Variants in BCAR3 observed in about 807,000 individuals in gnomAD.
BCAR3 encodes the protein breast cancer anti-estrogen resistance protein 3.
BCAR3 carries 37 observed loss-of-function variants against 80.1 expected under a neutral mutation model. The ratio of observed to expected loss-of-function variants is 0.46; its 90% CI spans 0.36 to 0.61. The LOEUF (loss-of-function observed/expected upper bound fraction) is 0.61, where lower values mean the gene tolerates loss of function less well. Among genes scored for constraint, BCAR3 ranks in the 20% least tolerant of loss-of-function variants. BCAR3 has a pLI of 0.00. For synonymous variants in BCAR3, 389 were observed against 418.9 expected, an observed-to-expected ratio of 0.93 and a Z score of 0.87; for missense variants, 978 against 1,068.2, an observed-to-expected ratio of 0.92 and a Z score of 1.18.
At chr1:93,573,868 A>C (rs1673335579) in intron 8 of BCAR3, among the ~76,000 whole-genome samples, 1 of 152,166 alleles carries the variant, frequency 6.6e-6, no homozygotes, top group Admixed American at 6.6e-5. Context: ...GGCTCAAGTG[A>C]TCCACCTGCC....
At chr1:93,641,602 C>A (rs1363104124) in intron 3 of BCAR3, among the ~76,000 whole-genome samples, 2 of 152,152 alleles carry the variant, frequency 1.3e-5, no homozygotes, top group African/African-American at 4.8e-5. Context: ...TCTTCCTGCT[C>A]CGAAGAAATA....
chr1:93,675,336 G>A lies in BCAR3; in HGVS notation c.-11-395C>T, dbSNP rs1648422183. On this transcript the variant is annotated intron_variant, in intron 1 of 11. Transcript: ENST00000260502. ...ACATTATTTTCACTGCCCTGTAAAT[G>A]ATAAGAACAGGCAGGGATTATTGAA... 2.6e-5 allele frequency among the ~76,000 whole-genome samples: 4 copies of A among 152,246 alleles called. No homozygotes were observed. The East Asian group carries it at 7.7e-4, about 29-fold the overall frequency.
At chr1:93,723,662 A>G (rs560621658) in intron 2 of BCAR3, 11 of 152,238 alleles carry the variant, frequency 7.2e-5, no homozygotes, top group African/African-American at 2.6e-4. Flanking sequence ...CCTCAGGAAC[A>G]ACAAGACTTG....
chr1:93,830,322 G>A (rs187583793), intron 2 of BCAR3, among the ~76,000 whole-genome samples: 10 of 152,250 alleles, frequency 6.6e-5, no homozygotes, highest in Admixed American at 1.3e-4. Flanking sequence ...TTAGCTGGGC[G>A]TGGTGGCACA....
chr1:93,626,517 C>G (rs1006102666), intron 3 of BCAR3, among the ~76,000 whole-genome samples: 5 of 152,212 alleles, frequency 3.3e-5, no homozygotes, highest in African/African-American at 1.2e-4. Context: ...CATAATAATA[C>G]AGAGACATTT....
chr1:93,842,725 C>T (rs940005401), intron 2 of BCAR3, among the ~76,000 whole-genome samples: 1 of 152,164 alleles, frequency 6.6e-6, no homozygotes, highest in Admixed American at 6.6e-5. Flanking sequence ...TCTGCCCCTA[C>T]CCCTTTTGCC....
At chr1:93,595,033 T>C (rs1009094622) in intron 3 of BCAR3, among the ~76,000 whole-genome samples, 2 of 152,244 alleles carry the variant, frequency 1.3e-5, no homozygotes, top group African/African-American at 4.8e-5. Context: ...ATCTTGTTAC[T>C]TCTGTCCTAA....
At chr1:93,672,273 T>C (rs1648248614) in intron 2 of BCAR3, among the ~76,000 whole-genome samples, 1 of 152,166 alleles carries the variant, frequency 6.6e-6, no homozygotes, top group African/African-American at 2.4e-5. Flanking sequence ...CTTGGGTGTT[T>C]ACCAAGAACT....
intron 2 of BCAR3, among the ~76,000 whole-genome samples, chr1:93,708,127 G>A (rs915584631): frequency 1.3e-5 from 2 of 152,146 alleles, no homozygotes; most frequent in African/African-American, 4.8e-5. Context: ...AATAAAGGAA[G>A]GAGATAACCA....
chr1:93,846,938 C>G, intron 1 of BCAR3: 1 of 445,860 alleles, frequency 2.2e-6, no homozygotes. Context: ...GAACCCCGCG[C>G]AAATAAACAC....
chr1:93,820,502 A>C lies in BCAR3; in HGVS notation c.-63+25065T>G, dbSNP rs529729732. Among the ~76,000 whole-genome samples, 42 of 152,192 alleles carry C rather than the reference A, an allele frequency of 2.8e-4. 1 individual carries two copies. The highest frequency in any genetic ancestry group is 4.6e-4 in the Admixed American group (7 of 15,280). ...TATAATGCTTCTCATAACTCAGTGA[A>C]ACACTTTGCTTACTCTGATTAGTTT... On this transcript the variant is annotated intron_variant, in intron 2 of 13. Transcript: ENST00000370244.
intron 2 of BCAR3, among the ~76,000 whole-genome samples, chr1:93,796,976 G>A (rs1008721746): frequency 6.6e-6 from 1 of 152,170 alleles, no homozygotes; most frequent in Non-Finnish European, 1.5e-5. Context: ...TACTGTATAT[G>A]TGGGTTGCTG....
Position 93,582,700 on chromosome 1 carries a change from G to GC in BCAR3, c.1286_1287insG (p.Tyr429Ter). The change falls in exon 7 of 12, where the codon TAC becomes TAGC. Residue 429 changes from tyrosine to a stop codon, truncating the protein, a stop_gained and frameshift_variant. Transcript: ENST00000260502. LOFTEE classifies it high-confidence loss of function. Reference protein sequence around the residue: ...PSAWLNSEANYCELNPAFATG... With the variant: ...PSAWLNSEAN The stretch of plus-strand genomic sequence containing the variant: ...TGGCAAACGCTGGGTTCAGTTCACA[G>GC]TAGTTGGCCTCTGAGTTGAGCCAGG... 5 of 1,614,164 alleles carry GC rather than the reference G, an allele frequency of 3.1e-6. No individual in the cohort carries two copies. Among genetic ancestry groups the GC allele is most frequent in the Non-Finnish European group, 4.2e-6 (5 of 1,180,020 alleles).
chr1:93,843,050 C>G (rs1373632468), intron 2 of BCAR3, among the ~76,000 whole-genome samples: 1 of 152,150 alleles, frequency 6.6e-6, no homozygotes, highest in East Asian at 1.9e-4. Flanking sequence ...ATTTTTCTAG[C>G]AAGAAATGAG....
chr1:93,689,495 CACT>C (rs1649095082), intron 3 of BCAR3, among the ~76,000 whole-genome samples: 2 of 150,036 alleles, frequency 1.3e-5, no homozygotes, highest in Non-Finnish European at 2.9e-5. Context: ...CGCACCATTG[CACT>C]CTAGCCTAGC....
At chr1:93,761,442 C>T (rs1050985816) in intron 2 of BCAR3, among the ~76,000 whole-genome samples, 3 of 152,176 alleles carry the variant, frequency 2.0e-5, no homozygotes, top group Admixed American at 2.0e-4. Context: ...TAGGTGCCAT[C>T]CTATCACCAA....
At chr1:93,805,251 T>C (rs1469814834) in intron 2 of BCAR3, among the ~76,000 whole-genome samples, 2 of 152,192 alleles carry the variant, frequency 1.3e-5, no homozygotes, top group Admixed American at 1.3e-4. Flanking sequence ...GAAACAGAAA[T>C]AGATGTATGA....
chr1:93,691,149 G>GA (rs1649172072), intron 3 of BCAR3, among the ~76,000 whole-genome samples: 1 of 152,204 alleles, frequency 6.6e-6, no homozygotes, highest in Non-Finnish European at 1.5e-5. Flanking sequence ...GACTGAAGGT[G>GA]AGACATTCTA....
At chr1:93,663,161 G>T (rs1314434920) in intron 2 of BCAR3, among the ~76,000 whole-genome samples, 1 of 152,200 alleles carries the variant, frequency 6.6e-6, no homozygotes, top group Non-Finnish European at 1.5e-5. Flanking sequence ...AATGCAAGCT[G>T]AACAGAAGCT....
Sources: gnomAD v4.1 joint callset for allele counts (sites outside exome capture counted in the v4.1 genomes callset) on GRCh38, gnomAD v4.1.1 for gene constraint, MANE v1.5 for transcripts, NCBI Gene and HGNC (gene_info 2026-07-23, HGNC 2026-07-21) for gene names.